The following VPS13A variants were observed in gnomAD, a reference collection of about 807,000 sequenced individuals.
VPS13A encodes the protein vacuolar protein sorting 13 homolog A.
A neutral mutation model predicts 390.9 loss-of-function variants in VPS13A; 264 were observed. The ratio of observed to expected loss-of-function variants is 0.68; its 90% CI spans 0.61 to 0.75. The LOEUF is 0.75. Among genes scored for constraint, VPS13A ranks in the 30% least tolerant of loss-of-function variants. The probability of loss-of-function intolerance (pLI) is 0.00; values close to 1 mark genes in which losing one functional copy is unlikely to be tolerated. For missense variants in VPS13A, 3,409 were observed against 3,733.9 expected, an observed-to-expected ratio of 0.91 and a Z score of 2.27; for synonymous variants, 1,231 against 1,227.1, an observed-to-expected ratio of 1.00 and a Z score of -0.07.
Position 77,238,130 on chromosome 9 carries a change from A to C in VPS13A, c.1724A>C (p.Asp575Ala), listed in dbSNP as rs766598831. 16 of 1,613,844 alleles carry C rather than the reference A, an allele frequency of 9.9e-6. No individual in the cohort carries two copies. The highest frequency in any genetic ancestry group is 1.4e-5 in the Non-Finnish European group (16 of 1,179,846). The stretch of plus-strand genomic sequence containing the variant: ...ATTACATTTGAGATAAATCCATTAG[A>C]TGAAACTGTTTCTCAGAGGTGTATC... ...FQITFEINPL[D>A]ETVSQRCIIE... Residue 575 changes from aspartate (D) to alanine (A), a missense_variant, in exon 18 of 72, where the codon GAT becomes GCT. This residue lies in a region of VPS13A where 2,717 missense variants were observed against 2,917.4 expected (regional missense o/e 0.93). Coordinates refer to ENST00000360280, the MANE Select transcript of VPS13A (RefSeq NM_033305.3).
intron 71 of VPS13A, among the ~76,000 whole-genome samples, chr9:77,408,865 G>A (rs1315128409): frequency 6.6e-6 from 1 of 152,216 alleles, no homozygotes; most frequent in Non-Finnish European, 1.5e-5. Context: ...CTCCACCTCT[G>A]GGGGCAGGGC....
intron 23 of VPS13A, among the ~76,000 whole-genome samples, chr9:77,269,005 A>G (rs1328016987): frequency 6.6e-6 from 1 of 150,540 alleles, no homozygotes; most frequent in South Asian, 2.1e-4. Context: ...GTTTTGTTGT[A>G]TTCTTTTCCT....
chr9:77,225,011 T>A (rs1823426970), intron 13 of VPS13A, among the ~76,000 whole-genome samples: 1 of 152,216 alleles, frequency 6.6e-6, no homozygotes, highest in African/African-American at 2.4e-5. Context: ...AGATGATTGT[T>A]AGCATTTTTT....
intron 70 of VPS13A, among the ~76,000 whole-genome samples, chr9:77,407,002 G>A (rs1368070501): frequency 2.0e-5 from 3 of 152,058 alleles, no homozygotes; most frequent in Non-Finnish European, 2.9e-5. Flanking sequence ...AAATCATCTA[G>A]GACACAACCT....
At chr9:77,354,935 C>G (rs1831685141) in intron 54 of VPS13A, among the ~76,000 whole-genome samples, 1 of 152,152 alleles carries the variant, frequency 6.6e-6, no homozygotes, top group Admixed American at 6.6e-5. Context: ...CACTGTACTT[C>G]ATTTCCTCTT....
Position 77,378,670 on chromosome 9 carries a change from A to G in VPS13A, c.9078-3306A>G, listed in dbSNP as rs1208996921. Among the ~76,000 whole-genome samples, 6 of 150,412 alleles carry G rather than the reference A, an allele frequency of 4.0e-5. No individual in the cohort carries two copies. In the South Asian group the frequency reaches 1.1e-3, roughly 26 times the overall value. On this transcript the variant is annotated intron_variant, in intron 67 of 71. Coordinates refer to ENST00000360280, the MANE Select transcript of VPS13A (RefSeq NM_033305.3). Reference sequence around the variant, plus strand: ...ACCAGTTTTTAGTTTCATTGATTCTATTTTTTCTATTCTCTATTTCTTTTA... The same window carrying G: ...ACCAGTTTTTAGTTTCATTGATTCTGTTTTTTCTATTCTCTATTTCTTTTA...
At chr9:77,209,751 C>A (rs1489353501) in intron 6 of VPS13A, among the ~76,000 whole-genome samples, 1 of 152,082 alleles carries the variant, frequency 6.6e-6, no homozygotes, top group Non-Finnish European at 1.5e-5. Context: ...GACATTAGAT[C>A]ATGAAGGAAA....
chr9:77,233,607 C>T lies in VPS13A; in HGVS notation c.1596-4395C>T, dbSNP rs77383335. Reference sequence around the variant, plus strand: ...ATGTTTTGTAATATTGTGTTTGATTCGCATCCATTTCAACGTATTTTCTGA... The same window carrying T: ...ATGTTTTGTAATATTGTGTTTGATTTGCATCCATTTCAACGTATTTTCTGA... On this transcript the variant is annotated intron_variant, in intron 17 of 71. Transcript: ENST00000360280. Among the ~76,000 whole-genome samples, 883 of 151,642 alleles carry T rather than the reference C, an allele frequency of 5.8e-3. 8 individuals are homozygous for T. The highest frequency in any genetic ancestry group is 0.021 in the Middle Eastern group (6 of 292).
intron 48 of VPS13A, 38 bp from the exon 49 acceptor site, chr9:77,340,140 A>G (rs761683793): frequency 2.9e-5 from 46 of 1,570,916 alleles, no homozygotes; most frequent in Non-Finnish European, 3.8e-5. Context: ...TTTTAAAGGT[A>G]CCTAAATTGT....
chr9:77,351,095 A>G (rs1010143754), intron 52 of VPS13A: 3 of 458,574 alleles, frequency 6.5e-6, no homozygotes, highest in African/African-American at 4.0e-5. Flanking sequence ...GAAGACCTTT[A>G]TTTCCTAAGT....
At chr9:77,349,555 A>G (rs1266574999) in intron 52 of VPS13A, among the ~76,000 whole-genome samples, 1 of 152,190 alleles carries the variant, frequency 6.6e-6, no homozygotes, top group Non-Finnish European at 1.5e-5. Flanking sequence ...TATCATTTAG[A>G]TGCTCTACAA....
chr9:77,266,808 T>G (rs1038454245), intron 23 of VPS13A, among the ~76,000 whole-genome samples: 2 of 152,168 alleles, frequency 1.3e-5, no homozygotes, highest in African/African-American at 4.8e-5. Context: ...CAGTCAAATG[T>G]AGGTTTGGTC....
chr9:77,196,553 T>A (rs1825014151), intron 1 of VPS13A, among the ~76,000 whole-genome samples: 1 of 152,196 alleles, frequency 6.6e-6, no homozygotes, highest in Admixed American at 6.5e-5. Context: ...TCAACTTTTT[T>A]AGATTTCACA....
intron 69 of VPS13A, among the ~76,000 whole-genome samples, chr9:77,405,278 C>T (rs747242461): frequency 1.1e-4 from 17 of 152,150 alleles, no homozygotes; most frequent in Admixed American, 2.0e-4. Flanking sequence ...TTCTGTTCAA[C>T]ATGGTTAGAA....
At chr9:77,414,524 G>A (rs540338264) in intron 71 of VPS13A, among the ~76,000 whole-genome samples, 3 of 151,868 alleles carry the variant, frequency 2.0e-5, no homozygotes, top group East Asian at 1.9e-4. Context: ...TCACTCATAG[G>A]TGGGAATTGA....
At chr9:77,246,931 G>T (rs546846529) in intron 19 of VPS13A, among the ~76,000 whole-genome samples, 1 of 152,146 alleles carries the variant, frequency 6.6e-6, no homozygotes, top group East Asian at 1.9e-4. Flanking sequence ...TATCTATGTA[G>T]ATTCTAAGAG....
At chr9:77,316,128 T>G in intron 38 of VPS13A, 46 bp from the exon 39 acceptor site, 1 of 1,057,450 alleles carries the variant, frequency 9.5e-7, no homozygotes, top group Non-Finnish European at 1.3e-6. Flanking sequence ...TAATAAATTA[T>G]TCATAATATA....
chr9:77,273,269 T>A lies in VPS13A; in HGVS notation c.2428-11T>A. 1 of 1,602,150 alleles carries A rather than the reference T, an allele frequency of 6.2e-7. No homozygotes were observed. Among genetic ancestry groups the A allele is most frequent in the Non-Finnish European group, 8.5e-7 (1 of 1,170,908 alleles). ...TTTGTGCTAATCAACATTGAATTACTTTTCTTTCAGATTCAAACATCTACT... is the reference window on the plus strand; with the variant it reads ...TTTGTGCTAATCAACATTGAATTACATTTCTTTCAGATTCAAACATCTACT... On this transcript the variant is annotated splice_polypyrimidine_tract_variant and intron_variant, in intron 23 of 71. Coordinates refer to ENST00000360280, the MANE Select transcript of VPS13A (RefSeq NM_033305.3).
intron 34 of VPS13A, among the ~76,000 whole-genome samples, chr9:77,307,079 T>C (rs1248824885): frequency 6.6e-6 from 1 of 152,032 alleles, no homozygotes; most frequent in Non-Finnish European, 1.5e-5. Flanking sequence ...AATTTTTGTA[T>C]TTTCGGTAGA....
Sources: allele counts gnomAD v4.1 joint callset (sites outside exome capture counted in the v4.1 genomes callset), GRCh38; gene constraint gnomAD v4.1.1; regional missense constraint gnomAD v4.1.1; transcripts MANE v1.5; gene names NCBI Gene and HGNC (gene_info 2026-07-23, HGNC 2026-07-21).